MKLN1: variants seen among roughly 807,000 people sequenced by gnomAD.
MKLN1 encodes the protein muskelin.
Under a neutral mutation model 99.0 loss-of-function variants are expected in MKLN1, and 18 were observed. That is an observed-to-expected ratio of 0.18 (90% CI 0.13 to 0.27). The LOEUF is 0.27. MKLN1 is among the 10% of genes least tolerant of loss of function. The probability of loss-of-function intolerance (pLI) is 1.00; values close to 1 mark genes in which losing one functional copy is unlikely to be tolerated. For synonymous variants in MKLN1, 288 were observed against 293.2 expected (o/e 0.98, Z 0.18); for missense variants, 621 against 875.9 (o/e 0.71, Z 3.67).
In MKLN1 at chr7:131,275,461, C is replaced by T. The variant is rs533985865; in HGVS notation, c.-179+72487C>T. Among the ~76,000 whole-genome samples, 1,073 of 131,954 alleles carry T rather than the reference C, an allele frequency of 8.1e-3. 12 individuals carry two copies. The highest frequency in any genetic ancestry group is 0.014 in the Non-Finnish European group (892 of 63,142). 86.6% of individuals were successfully genotyped at this position (131,954 alleles called of 152,430 possible). A position where few individuals can be genotyped will look rare whatever the true frequency, so the allele number is the denominator to read the frequency against. On this transcript the variant is annotated intron_variant, in intron 3 of 7. Coordinates refer to the MKLN1 transcript ENST00000416992. ...TCGGCTCACTGCAACCTCCACCTTC[C>T]GGGTTCAGGTGATTCTCCTGCCTCA...
chr7:131,478,221 G>A (rs536331719), intron 16 of MKLN1, among the ~76,000 whole-genome samples: 4 of 152,074 alleles, frequency 2.6e-5, no homozygotes, highest in Non-Finnish European at 4.4e-5. Context: ...AGTGGCTTAC[G>A]TTTATTTTTG....
In MKLN1 at chr7:131,487,234, G is replaced by A. The variant is rs1489667913; in HGVS notation, c.2087-373G>A. On this transcript the variant is annotated intron_variant, in intron 17 of 17. Coordinates refer to ENST00000352689, the MANE Select transcript of MKLN1 (RefSeq NM_013255.5). The surrounding 1 kb of genome is among the most constrained non-coding windows in gnomAD (Gnocchi z 4.7). ...AGAAAAGACAAGTGGAATTTCCTCA[G>A]TGGACCAGCAGAGAAAAGACCTAAT... Among the ~76,000 whole-genome samples the A allele has an allele frequency of 6.6e-6, 1 of 152,118 alleles. No homozygotes were observed. The highest frequency in any genetic ancestry group is 6.6e-5 in the Admixed American group (1 of 15,256).
rs1267784333 is a variant in MKLN1, at chr7:131,445,858, C to T, written c.1480C>T (p.His494Tyr). ...CTTTAGTTATGATGTGGACTCTGAT[C>T]ATGTAGACATAATATCAGATGGCAC... The part of the protein sequence containing the change: ...DFFSYDVDSD[H>Y]VDIISDGTKK... The change falls in exon 12 of 18, where the codon CAT (histidine) becomes TAT (tyrosine). Residue 494 changes from histidine (H) to tyrosine (Y), a missense_variant. Around this residue, in one of 8 missense-constraint regions of MKLN1, gnomAD observed 361 missense variants for 540.8 expected, o/e 0.67. Coordinates refer to ENST00000352689, the MANE Select transcript of MKLN1 (RefSeq NM_013255.5). 1 of 1,604,678 alleles carries T rather than the reference C, an allele frequency of 6.2e-7. No homozygotes were observed. The highest frequency in any genetic ancestry group is 1.3e-5 in the African/African-American group (1 of 74,570).
In MKLN1 at chr7:131,482,550, TC is replaced by T. The variant is rs1797154495; in HGVS notation, c.2086+3875del. Among the ~76,000 whole-genome samples the T allele has an allele frequency of 1.3e-5, 2 of 152,308 alleles. 1 individual carries two copies. Among genetic ancestry groups the T allele is most frequent in the African/African-American group, 4.8e-5 (2 of 41,550 alleles). ...AAAAAATGAGAATTCATGTTATTTC[TC>T]CTTTACCACAAGTAGGAAAATCCAG... On this transcript the variant is annotated intron_variant, in intron 17 of 17. Coordinates refer to ENST00000352689, the MANE Select transcript of MKLN1 (RefSeq NM_013255.5).
chr7:131,427,307 T>C (rs1405691002), intron 8 of MKLN1, among the ~76,000 whole-genome samples: 3 of 152,226 alleles, frequency 2.0e-5, no homozygotes, highest in African/African-American at 7.2e-5. Flanking sequence ...CAAAAGGTTT[T>C]CTTAAATAGT....
intron 17 of MKLN1, among the ~76,000 whole-genome samples, chr7:131,482,653 C>T (rs1206144846): frequency 6.6e-6 from 1 of 152,064 alleles, no homozygotes; most frequent in Non-Finnish European, 1.5e-5. Context: ...CTCTTGAGCC[C>T]AGGAGTTTGA....
chr7:131,313,598 A>G, intron 3 of MKLN1, among the ~76,000 whole-genome samples: 1 of 152,268 alleles, frequency 6.6e-6, no homozygotes, highest in East Asian at 1.9e-4. Context: ...CTCAAAGTAC[A>G]AGGAGAAAGA....
At chr7:131,131,021 C>T (rs1408867202) in intron 1 of MKLN1, among the ~76,000 whole-genome samples, 2 of 126,434 alleles carry the variant, frequency 1.6e-5, no homozygotes, top group Non-Finnish European at 3.1e-5. Context: ...CATTGCACTC[C>T]AGCCTGGGCA....
At chr7:131,289,715 A>G (rs914448939) in intron 3 of MKLN1, among the ~76,000 whole-genome samples, 1 of 152,224 alleles carries the variant, frequency 6.6e-6, no homozygotes, top group Non-Finnish European at 1.5e-5. Flanking sequence ...GAAAAGGTAA[A>G]ATCAGTATCT....
intron 15 of MKLN1, among the ~76,000 whole-genome samples, chr7:131,466,925 G>A (rs1733863): frequency 0.42 from 55,264 of 132,878 alleles, 10,170 homozygotes; most frequent in East Asian, 0.53. Context: ...ACACACACAC[G>A]CGCGCGCGCG....
Position 131,487,632 on chromosome 7 carries a change from T to A in MKLN1, c.2112T>A (p.Tyr704Ter). The change falls in exon 18 of 18, where the codon TAT (tyrosine) becomes TAA (stop). Residue 704 changes from tyrosine to a stop codon, truncating the protein, a stop_gained. Transcript: ENST00000352689. LOFTEE classifies it high-confidence loss of function. The surrounding 1 kb of genome is among the most constrained non-coding windows in gnomAD (Gnocchi z 4.7). ...ALGFSDVDHTYAQRTQLFDTL... is the reference protein window; with the variant it reads ...ALGFSDVDHT Reference sequence around the variant, plus strand: ...GCTTTTCTGATGTGGATCACACCTATGCTCAAAGAACTCAGCTCTTTGACA... The same window carrying A: ...GCTTTTCTGATGTGGATCACACCTAAGCTCAAAGAACTCAGCTCTTTGACA... 1 of 1,612,946 alleles carries A rather than the reference T, an allele frequency of 6.2e-7. No homozygotes were observed. The highest frequency in any genetic ancestry group is 8.5e-7 in the Non-Finnish European group (1 of 1,179,334).
intron 2 of MKLN1, among the ~76,000 whole-genome samples, chr7:131,145,058 T>G (rs1268222147): frequency 6.6e-6 from 1 of 152,162 alleles, no homozygotes; most frequent in Non-Finnish European, 1.5e-5. Flanking sequence ...AGGGATCTAA[T>G]GAAAATCTGC....
At chr7:131,407,925 G>C (rs1794756836) in intron 6 of MKLN1, among the ~76,000 whole-genome samples, 1 of 151,918 alleles carries the variant, frequency 6.6e-6, no homozygotes, top group Admixed American at 6.6e-5. Context: ...TTAATTTTCT[G>C]TCAAGTACAT....
At chr7:131,439,517 G>A (rs1218908216) in intron 10 of MKLN1, among the ~76,000 whole-genome samples, 2 of 152,126 alleles carry the variant, frequency 1.3e-5, no homozygotes, top group South Asian at 2.1e-4. Flanking sequence ...CTGTAATAGT[G>A]AGCAAGTAAT....
At chr7:131,413,689 A>G (rs959636227) in intron 7 of MKLN1, among the ~76,000 whole-genome samples, 1 of 151,932 alleles carries the variant, frequency 6.6e-6, no homozygotes, top group Non-Finnish European at 1.5e-5. Flanking sequence ...ACAGGCACCC[A>G]CCACCATGCC....
chr7:131,258,226 T>C (rs962664177), intron 3 of MKLN1, among the ~76,000 whole-genome samples: 6 of 151,490 alleles, frequency 4.0e-5, no homozygotes, highest in Admixed American at 4.0e-4. Flanking sequence ...GTACTCACTG[T>C]AAATCTGGCC....
intron 1 of MKLN1, among the ~76,000 whole-genome samples, chr7:131,124,548 C>A (rs937317321): frequency 1.3e-5 from 2 of 152,184 alleles, no homozygotes; most frequent in Non-Finnish European, 2.9e-5. Context: ...CCATTAGTAT[C>A]GGCCCCACCA....
At chr7:131,429,195 G>T (rs111926893) in intron 9 of MKLN1, 50 bp downstream of exon 9, 18,706 of 1,233,250 alleles carry the variant, frequency 0.015, 241 homozygotes, top group African/African-American at 0.038. Flanking sequence ...GGGCGTAGAT[G>T]TGCACTTGTT....
At position 131,493,772 on chromosome 7, in the gene MKLN1, A is replaced by G. The variant is rs1021975005; in HGVS notation, c.*6044A>G. 2 of 152,200 alleles carry G rather than the reference A, an allele frequency of 1.3e-5. No individual in the cohort carries two copies. The highest frequency in any genetic ancestry group is 4.8e-5 in the African/African-American group (2 of 41,454). The allele number at this position is 152,200 out of a possible 1,614,324, so 9.4% of individuals were successfully genotyped here. A position where few individuals can be genotyped will look rare whatever the true frequency, so the allele number is the denominator to read the frequency against. On this transcript the variant is annotated 3_prime_UTR_variant, in exon 18 of 18. Transcript: ENST00000352689. ...AGCTCTTGCTGCAACATAGCTCTGT[A>G]CCATCTGGGATGCTAGCAGTCACAG...
Sources: allele counts gnomAD v4.1 joint callset (sites outside exome capture counted in the v4.1 genomes callset), GRCh38; gene constraint gnomAD v4.1.1; regional missense constraint gnomAD v4.1.1; non-coding constraint Gnocchi (gnomAD v3.1); transcripts MANE v1.5; gene names NCBI Gene and HGNC (gene_info 2026-07-23, HGNC 2026-07-21).